The following RSF1 variants were observed in gnomAD, a reference collection of about 807,000 sequenced individuals.
RSF1 encodes remodeling and spacing factor 1, also known as HBV pX-associated protein 8.
RSF1 carries 13 observed loss-of-function variants against 145.2 expected under a neutral mutation model. The ratio of observed to expected loss-of-function variants is 0.09; its 90% CI spans 0.06 to 0.14. The LOEUF (loss-of-function observed/expected upper bound fraction) is 0.14, where lower values mean the gene tolerates loss of function less well. Ranked by LOEUF, RSF1 falls within the 10% of genes least tolerant of loss-of-function variation. The probability of loss-of-function intolerance (pLI) is 1.00; values close to 1 mark genes in which losing one functional copy is unlikely to be tolerated. For synonymous variants in RSF1, 577 were observed against 592.6 expected, an observed-to-expected ratio of 0.97 and a Z score of 0.38; for missense variants, 1,517 against 1,718.2, an observed-to-expected ratio of 0.88 and a Z score of 2.07.
At chr11:77,823,214 CAAAAAAAAA>C, upstream of RSF1, among the ~76,000 whole-genome samples, 1 of 92,734 alleles carries the variant, frequency 1.1e-5, no homozygotes, top group South Asian at 4.1e-4. Context: ...GACTCCGTCT[CAAAAAAAAA>C]AAAAAAAAAA....
chr11:77,680,258 C>T (rs1006181082), intron 11 of RSF1, among the ~76,000 whole-genome samples: 6 of 150,676 alleles, frequency 4.0e-5, no homozygotes, highest in Non-Finnish European at 8.9e-5. Flanking sequence ...TATGGTGAGA[C>T]CCTGTATCTA....
chr11:77,721,068 TTAAC>T (rs1960930583), intron 5 of RSF1, among the ~76,000 whole-genome samples: 1 of 152,224 alleles, frequency 6.6e-6, no homozygotes, highest in Admixed American at 6.5e-5. Flanking sequence ...GCATGGCAAT[TTAAC>T]TAATGACTAA....
intron 1 of RSF1, among the ~76,000 whole-genome samples, chr11:77,816,772 C>T (rs1219059921): frequency 3.3e-5 from 5 of 152,326 alleles, no homozygotes; most frequent in African/African-American, 1.2e-4. Flanking sequence ...CCATCATCTA[C>T]CTCCAGTTAG....
At chr11:77,743,908 G>A (rs1039090527) in intron 3 of RSF1, among the ~76,000 whole-genome samples, 4 of 152,094 alleles carry the variant, frequency 2.6e-5, no homozygotes, top group Admixed American at 2.6e-4. Context: ...TTTGTTGAGA[G>A]TTTTTATCAT....
rs756249702 is a variant in RSF1, at chr11:77,667,146, A to T, written c.4097T>A (p.Val1366Glu). The T allele has an allele frequency of 1.9e-6, 3 of 1,614,228 alleles. No homozygotes were observed. The East Asian group carries it at 6.7e-5, about 36-fold the overall frequency. ...KVGSPLDYSL[V>E]DLPSTNGQSP... ...CTGTCCATTGGTTGAAGGTAAGTCCACTAAGCTATAGTCCAATGGGCTCCC... is the reference window on the plus strand; with the variant it reads ...CTGTCCATTGGTTGAAGGTAAGTCCTCTAAGCTATAGTCCAATGGGCTCCC... Residue 1366 changes from valine (V) to glutamate (E), a missense_variant, in exon 16 of 16, where the codon GTG becomes GAG. Val to Glu is a moderately radical substitution (Grantham distance 121, BLOSUM62 -2). Coordinates refer to ENST00000308488, the MANE Select transcript of RSF1 (RefSeq NM_016578.4).
chr11:77,841,042 A>C, the RSF1 span: 1 of 586,758 alleles, frequency 1.7e-6, no homozygotes, highest in Non-Finnish European at 3.0e-6. Context: ...GAAGTCCAAG[A>C]CCAGTTGGCT....
intron 2 of RSF1, among the ~76,000 whole-genome samples, chr11:77,747,748 T>C (rs1356068973): frequency 1.3e-5 from 2 of 152,196 alleles, no homozygotes; most frequent in Non-Finnish European, 1.5e-5. Flanking sequence ...TGCAAGAAAC[T>C]TTCTCTCATT....
intron 13 of RSF1, among the ~76,000 whole-genome samples, chr11:77,675,549 C>G (rs1959679419): frequency 6.6e-6 from 1 of 152,212 alleles, no homozygotes; most frequent in African/African-American, 2.4e-5. Flanking sequence ...ATTTCCCAAT[C>G]TACTTCTCTC....
At chr11:77,695,821 C>T (rs1182184189) in intron 7 of RSF1, among the ~76,000 whole-genome samples, 1 of 152,180 alleles carries the variant, frequency 6.6e-6, no homozygotes, top group Non-Finnish European at 1.5e-5. Context: ...TATGTATACA[C>T]ATATATCTTT....
At chr11:77,750,711 C>T (rs1948052828) in intron 2 of RSF1, among the ~76,000 whole-genome samples, 1 of 152,122 alleles carries the variant, frequency 6.6e-6, no homozygotes, top group South Asian at 2.1e-4. Context: ...GACCAAGAAG[C>T]GTTATAATTA....
chr11:77,777,763 C>T (rs2154973), intron 1 of RSF1, among the ~76,000 whole-genome samples: 26,732 of 151,706 alleles, frequency 0.18, 2,950 homozygotes, highest in African/African-American at 0.29. Flanking sequence ...GACAGGAGGA[C>T]TGCATCAACC....
At chr11:77,780,991 T>C (rs1269910876) in intron 1 of RSF1, among the ~76,000 whole-genome samples, 1 of 152,224 alleles carries the variant, frequency 6.6e-6, no homozygotes, top group Non-Finnish European at 1.5e-5. Context: ...TTGTCTGGCT[T>C]TTTTGCTTCA....
At chr11:77,866,925 C>T in the RSF1 span, among the ~76,000 whole-genome samples, 1 of 152,064 alleles carries the variant, frequency 6.6e-6, no homozygotes, top group Admixed American at 6.6e-5. Context: ...ACTGCAACCT[C>T]CACTTCCTGG....
the RSF1 span, among the ~76,000 whole-genome samples, chr11:77,865,029 CCTT>C: frequency 8.8e-4 from 134 of 152,274 alleles, no homozygotes; most frequent in Admixed American, 4.5e-3. Flanking sequence ...CTTACTCTCT[CCTT>C]CTCTGGACCC....
chr11:77,789,998 T>C (rs955075891), intron 1 of RSF1, among the ~76,000 whole-genome samples: 1 of 152,092 alleles, frequency 6.6e-6, no homozygotes, highest in Non-Finnish European at 1.5e-5. Flanking sequence ...CCAACACCAG[T>C]ACACACTGCT....
At chr11:77,820,395 G>T in intron 1 of RSF1, 133 bp downstream of exon 1, 6 of 963,350 alleles carry the variant, frequency 6.2e-6, no homozygotes, top group Non-Finnish European at 7.5e-6. Flanking sequence ...AGACCAGCCC[G>T]GCGGAGTTGC....
intron 3 of RSF1, among the ~76,000 whole-genome samples, chr11:77,741,782 A>G (rs184783883): frequency 3.3e-5 from 5 of 152,234 alleles, no homozygotes; most frequent in Non-Finnish European, 7.4e-5. Flanking sequence ...ATGTTATACA[A>G]CTGATCTCCT....
At chr11:77,776,351 A>C (rs1948342343) in intron 1 of RSF1, among the ~76,000 whole-genome samples, 3 of 152,310 alleles carry the variant, frequency 2.0e-5, no homozygotes, top group South Asian at 4.1e-4. Context: ...CAGAACTATA[A>C]ACTTATACTG....
At chr11:77,716,718 T>C (rs541561205) in intron 5 of RSF1, among the ~76,000 whole-genome samples, 2 of 152,328 alleles carry the variant, frequency 1.3e-5, no homozygotes, top group Non-Finnish European at 2.9e-5. Flanking sequence ...AACAACGTAC[T>C]GTATACCTGA....
Sources: allele counts gnomAD v4.1 joint callset (sites outside exome capture counted in the v4.1 genomes callset), GRCh38; gene constraint gnomAD v4.1.1; transcripts MANE v1.5; gene names NCBI Gene and HGNC (gene_info 2026-07-23, HGNC 2026-07-21).